WNK2: variants seen among roughly 807,000 people sequenced by gnomAD.
WNK2 encodes the protein WNK lysine deficient protein kinase 2.
A neutral mutation model predicts 192.1 loss-of-function variants in WNK2; 67 were observed. The observed-to-expected ratio is 0.35, with a 90% CI of 0.29 to 0.43. The LOEUF (loss-of-function observed/expected upper bound fraction) is 0.43. Ranked by LOEUF, WNK2 falls within the 20% of genes least tolerant of loss-of-function variation. WNK2 has a pLI of 1.00. For synonymous variants in WNK2, 1,439 were observed against 1,393.9 expected (o/e 1.03, Z -0.72); for missense variants, 2,698 against 3,089.7 (o/e 0.87, Z 3.01).
intron 29 of WNK2, among the ~76,000 whole-genome samples, chr9:93,319,852 C>T (rs924692318): frequency 1.3e-5 from 2 of 152,220 alleles, no homozygotes; most frequent in Admixed American, 1.3e-4. Flanking sequence ...GCCAGCCCCC[C>T]AGCATCCCAC....
Position 93,262,014 on chromosome 9 carries a change from A to G in WNK2, c.3267A>G (p.Thr1089=), listed in dbSNP as rs376063388. The G allele has an allele frequency of 1.6e-5, 26 of 1,611,424 alleles. No homozygotes were observed. The African/African-American group carries it at 2.4e-4, about 15-fold the overall frequency. ...SVQSVPTQTA[T]LLPPANPPLP... is the part of the protein sequence containing the mutation. Reference sequence around the variant, plus strand: ...AGAGTGTGCCCACCCAGACTGCCACACTTCTGCCACCAGCAAACCCACCGC... The same window carrying G: ...AGAGTGTGCCCACCCAGACTGCCACGCTTCTGCCACCAGCAAACCCACCGC... The change falls in exon 13 of 30, where the codon ACA becomes ACG. Residue 1089 remains threonine (T), a synonymous_variant. Transcript: ENST00000427277.
Position 93,256,423 on chromosome 9 carries a change from GC to G in WNK2, c.2162del (p.Pro721GlnfsTer55). On this transcript the variant is annotated frameshift_variant, in exon 10 of 30. Coordinates refer to ENST00000427277, the MANE Select transcript of WNK2 (RefSeq NM_006648.4). LOFTEE classifies it high-confidence loss of function. ...CCGCCCAGCACCCCCATGCCCACGG[GC>G]CCAGGCCAGCCAGCACCCCCCGGCC... ...LPPPSTPMPT[G>X]PGQPAPPGQQ... 6.5e-7 allele frequency: 1 copy of G among 1,536,092 alleles called. No homozygotes were observed.
At chr9:93,190,096 T>G (rs1167480558) in intron 2 of WNK2, among the ~76,000 whole-genome samples, 1 of 152,218 alleles carries the variant, frequency 6.6e-6, no homozygotes, top group Non-Finnish European at 1.5e-5. Flanking sequence ...GAATTTGCTT[T>G]CCTGGGCGAG....
At chr9:93,231,212 C>A in intron 4 of WNK2, 104 bp downstream of exon 4, 3 of 1,150,106 alleles carry the variant, frequency 2.6e-6, no homozygotes, top group South Asian at 2.8e-5. Context: ...GCAGGAGACC[C>A]AGTGGGAGGA....
intron 19 of WNK2, among the ~76,000 whole-genome samples, chr9:93,274,373 A>G (rs957209888): frequency 2.0e-5 from 3 of 152,064 alleles, no homozygotes; most frequent in Non-Finnish European, 4.4e-5. Flanking sequence ...TTAGCTGGGC[A>G]TGGTGGCGGG....
intron 2 of WNK2, among the ~76,000 whole-genome samples, chr9:93,202,488 G>A (rs763321818): frequency 3.9e-5 from 6 of 152,276 alleles, no homozygotes; most frequent in East Asian, 1.9e-4. Context: ...CGGTCAGCCC[G>A]GCCCTACCAG....
chr9:93,296,876 CCCTCCCCTCCGCAT>C (rs1850625978), intron 23 of WNK2, among the ~76,000 whole-genome samples: 2 of 93,428 alleles, frequency 2.1e-5, no homozygotes, highest in African/African-American at 5.0e-5. Context: ...CCCCTCCGCA[CCCTCCCCTCCGCAT>C]CCTCCCTTCA....
chr9:93,208,119 G>A (rs940931889), intron 2 of WNK2, among the ~76,000 whole-genome samples: 3 of 152,198 alleles, frequency 2.0e-5, no homozygotes, highest in Admixed American at 6.5e-5. Context: ...AAACATCTCA[G>A]TTTTGGTTGG....
At chr9:93,205,859 T>G (rs963904019) in intron 2 of WNK2, among the ~76,000 whole-genome samples, 3 of 152,106 alleles carry the variant, frequency 2.0e-5, no homozygotes, top group Non-Finnish European at 4.4e-5. Context: ...GCCAGTGCCT[T>G]CTGGCAGCCT....
chr9:93,282,081 T>G (rs1457861539), intron 19 of WNK2, among the ~76,000 whole-genome samples: 1 of 152,164 alleles, frequency 6.6e-6, no homozygotes, highest in Non-Finnish European at 1.5e-5. Context: ...TAAGTGAATT[T>G]TGACTGGATG....
rs747100309 is a variant in WNK2, at chr9:93,268,638, G to A, written c.3925G>A (p.Gly1309Arg). ...PVYQQNVLHT[G>R]KRWFIICPVA... The stretch of plus-strand genomic sequence containing the variant: ...GTTCTGCCCTTCAGTCCTGCACACC[G>A]GGAAGAGGTGGTTCATCATCTGTCC... Residue 1309 changes from glycine to arginine, a missense_variant, in exon 19 of 30, where the codon GGG (glycine) becomes AGG (arginine). Physicochemically the swap from Gly to Arg is moderately radical, Grantham distance 125. Coordinates refer to ENST00000427277, the MANE Select transcript of WNK2 (RefSeq NM_006648.4). 1 of 1,612,610 alleles carries A rather than the reference G, an allele frequency of 6.2e-7. No individual in the cohort carries two copies. Among genetic ancestry groups the A allele is most frequent in the Non-Finnish European group, 8.5e-7 (1 of 1,179,578 alleles).
Position 93,232,628 on chromosome 9 carries a change from C to G in WNK2, c.1075+1520C>G, listed in dbSNP as rs374112707. Among the ~76,000 whole-genome samples, 3 of 152,300 alleles carry G rather than the reference C, an allele frequency of 2.0e-5. No individual in the cohort carries two copies. In the South Asian group the frequency reaches 6.2e-4, roughly 32 times the overall value. ...CACAGCCCACTGTGAAGCGGCAGCC[C>G]CGGCAGAGCCCCTCGTCTTCCTCTG... On this transcript the variant is annotated intron_variant, in intron 4 of 29. Coordinates refer to ENST00000427277, the MANE Select transcript of WNK2 (RefSeq NM_006648.4).
At chr9:93,242,596 GC>G (rs1300508208) in intron 7 of WNK2, among the ~76,000 whole-genome samples, 2 of 152,268 alleles carry the variant, frequency 1.3e-5, no homozygotes, top group African/African-American at 4.8e-5. Flanking sequence ...TGCTGCATAG[GC>G]TATGTACAGC....
chr9:93,277,041 A>T (rs184292821), intron 19 of WNK2, among the ~76,000 whole-genome samples: 9 of 152,288 alleles, frequency 5.9e-5, no homozygotes, highest in African/African-American at 2.2e-4. Context: ...TCTCAAAAAA[A>T]AAAAAAATGA....
rs1487725788 is a variant in WNK2, at chr9:93,229,791, C to T, written c.777C>T (p.Asp259=). Residue 259 remains aspartate, a synonymous_variant, in exon 3 of 30, where the codon GAC becomes GAT. Coordinates refer to ENST00000427277, the MANE Select transcript of WNK2 (RefSeq NM_006648.4). The surrounding 1 kb of genome is among the most constrained non-coding windows in gnomAD (Gnocchi z 4.9). ...ACCCCAACATCGTGCGCTTCTACGA[C>T]TTCTGGGAGTCCAGCGCCAAGGGCA... ...LQHPNIVRFY[D]FWESSAKGKR... 1.9e-5 allele frequency: 31 copies of T among 1,613,992 alleles called. No individual in the cohort carries two copies. The highest frequency in any genetic ancestry group is 2.6e-5 in the Non-Finnish European group (31 of 1,179,890).
At chr9:93,219,612 G>C (rs1056813606) in intron 2 of WNK2, among the ~76,000 whole-genome samples, 10 of 152,262 alleles carry the variant, frequency 6.6e-5, no homozygotes, top group African/African-American at 2.4e-4. Flanking sequence ...GCCTACTCAG[G>C]GTAGTGTGGG....
In WNK2 at chr9:93,257,068, G is replaced by T. The variant is rs748332420; in HGVS notation, c.2311G>T (p.Ala771Ser). Reference sequence around the variant, plus strand: ...CCTGGCTCCAGCCTCCCAGGTGGGGGCCCCCGCTCAGCTGAAGCCCCTCCA... The same window carrying T: ...CCTGGCTCCAGCCTCCCAGGTGGGGTCCCCCGCTCAGCTGAAGCCCCTCCA... ...PYLAPASQVGAPAQLKPLQMP... is the reference protein window; with the variant it reads ...PYLAPASQVGSPAQLKPLQMP... The change falls in exon 11 of 30, where the codon GCC becomes TCC. Residue 771 changes from alanine (A) to serine (S), a missense_variant. By Grantham distance (99) the Ala-to-Ser change is moderately conservative. Coordinates refer to ENST00000427277, the MANE Select transcript of WNK2 (RefSeq NM_006648.4). This position sits in a 1 kb window ranked among gnomAD's most constrained non-coding sequence, Gnocchi z 4.7. 4 of 1,606,250 alleles carry T rather than the reference G, an allele frequency of 2.5e-6. No individual in the cohort carries two copies. The highest frequency in any genetic ancestry group is 1.1e-5 in the South Asian group (1 of 90,656).
At chr9:93,186,719 G>A (rs1428480861) in intron 2 of WNK2, among the ~76,000 whole-genome samples, 1 of 152,234 alleles carries the variant, frequency 6.6e-6, no homozygotes, top group African/African-American at 2.4e-5. Context: ...GCCTGCGTGT[G>A]TGTGCAAGCC....
Position 93,185,246 on chromosome 9 carries a change from G to T in WNK2, c.317G>T (p.Gly106Val). 1.6e-6 allele frequency: 2 copies of T among 1,229,456 alleles called. No individual in the cohort carries two copies. Among genetic ancestry groups the T allele is most frequent in the Non-Finnish European group, 2.0e-6 (2 of 988,168 alleles). 76.2% of individuals were successfully genotyped at this position (1,229,456 alleles called of 1,614,324 possible). The change falls in exon 2 of 30, where the codon GGA becomes GTA. Residue 106 changes from glycine to valine, a missense_variant. Physicochemically the swap from Gly to Val is moderately radical, Grantham distance 109. Around this residue, in one of 7 missense-constraint regions of WNK2, gnomAD observed 260 missense variants for 285.6 expected, o/e 0.91. Transcript: ENST00000427277. ...CCCGCAGCGCTGGTAGCGCAGCCGG[G>T]AGCCCCCGGAGCCCCCGCGGACGCC... Reference protein sequence around the residue: ...PAPAALVAQPGAPGAPADAGP... With the variant: ...PAPAALVAQPVAPGAPADAGP...
Sources: gnomAD v4.1 joint callset for allele counts (sites outside exome capture counted in the v4.1 genomes callset) on GRCh38, gnomAD v4.1.1 for gene constraint, gnomAD v4.1.1 regional missense constraint, Gnocchi (gnomAD v3.1) non-coding constraint, MANE v1.5 for transcripts, NCBI Gene and HGNC (gene_info 2026-07-23, HGNC 2026-07-21) for gene names.